L3MBTL3: variants seen among roughly 807,000 people sequenced by gnomAD.
The protein encoded by L3MBTL3 is lethal(3)malignant brain tumor-like protein 3.
L3MBTL3 carries 27 observed loss-of-function variants against 102.3 expected under a neutral mutation model. That is an observed-to-expected ratio of 0.26 (90% confidence interval 0.19 to 0.36). L3MBTL3 has a LOEUF of 0.36. Ranked by LOEUF, L3MBTL3 falls within the 10% of genes least tolerant of loss-of-function variation. The pLI, the probability that L3MBTL3 is intolerant of heterozygous loss-of-function variation, is 1.00. For synonymous variants in L3MBTL3, 340 were observed against 320.9 expected (o/e 1.06, Z -0.64); for missense variants, 798 against 955.3 (o/e 0.84, Z 2.17).
rs764657481 is a variant in L3MBTL3, at chr6:130,057,466, C to T, written c.728C>T (p.Ala243Val). The T allele has an allele frequency of 2.0e-5, 32 of 1,610,652 alleles. No homozygotes were observed. The Admixed American group carries it at 2.2e-4, about 11-fold the overall frequency. ...GCATCCTACCTGGAAGAGGAGAAAGCGGTGGCAGTGCCGGCGAAGCTGTTC... is the reference window on the plus strand; with the variant it reads ...GCATCCTACCTGGAAGAGGAGAAAGTGGTGGCAGTGCCGGCGAAGCTGTTC... ...CWASYLEEEK[A>V]VAVPAKLFKE... Residue 243 changes from alanine to valine, a missense_variant, in exon 9 of 23, where the codon GCG becomes GTG. Ala to Val is a moderately conservative substitution (Grantham distance 64). Around this residue, in one of 4 missense-constraint regions of L3MBTL3, gnomAD observed 434 missense variants for 506.6 expected, o/e 0.86. Transcript: ENST00000361794.
intron 20 of L3MBTL3, among the ~76,000 whole-genome samples, chr6:130,129,025 T>TC (rs1786826184): frequency 1.3e-5 from 2 of 152,136 alleles, no homozygotes; most frequent in African/African-American, 2.4e-5. Context: ...TAACAGTACA[T>TC]TCCTTATACC....
intron 19 of L3MBTL3, among the ~76,000 whole-genome samples, chr6:130,105,091 T>C (rs1474250598): frequency 6.6e-6 from 1 of 152,220 alleles, no homozygotes; most frequent in Non-Finnish European, 1.5e-5. Flanking sequence ...CAGTGGTTTA[T>C]TAAGTGAAGA....
intron 16 of L3MBTL3, among the ~76,000 whole-genome samples, chr6:130,087,952 CT>C (rs1783794511): frequency 1.3e-5 from 2 of 151,502 alleles, no homozygotes; most frequent in South Asian, 2.1e-4. Context: ...AGGTTTTTTA[CT>C]TGTTTAGTTT....
intron 7 of L3MBTL3, among the ~76,000 whole-genome samples, chr6:130,054,824 A>G (rs1781354772): frequency 6.6e-6 from 1 of 152,186 alleles, no homozygotes; most frequent in East Asian, 1.9e-4. Flanking sequence ...TAGAGAAGGG[A>G]ACTGGATTGG....
chr6:130,090,900 C>A (rs1784000727), intron 16 of L3MBTL3, among the ~76,000 whole-genome samples: 1 of 151,902 alleles, frequency 6.6e-6, no homozygotes, highest in African/African-American at 2.4e-5. Context: ...AATTTATTGT[C>A]TTTTCATATA....
intron 12 of L3MBTL3, 125 bp from the exon 13 acceptor site, chr6:130,070,851 G>T (rs907549963): frequency 4.7e-5 from 10 of 212,774 alleles, no homozygotes; most frequent in East Asian, 1.4e-4. Flanking sequence ...ACTGGCATAT[G>T]ATTTTTAAAT....
intron 13 of L3MBTL3, 123 bp from the exon 14 acceptor site, chr6:130,078,435 A>G (rs1272433535): frequency 6.6e-6 from 4 of 604,044 alleles, no homozygotes; most frequent in African/African-American, 5.7e-5. Context: ...TTTCCAAATT[A>G]GATTGATTGT....
At chr6:130,138,920 A>G (rs575467764) in intron 22 of L3MBTL3, among the ~76,000 whole-genome samples, 4 of 152,230 alleles carry the variant, frequency 2.6e-5, no homozygotes, top group South Asian at 4.1e-4. Context: ...ATAGTAGCCT[A>G]TTTTTCAGAA....
chr6:130,035,454 G>T (rs1779999127), intron 2 of L3MBTL3, among the ~76,000 whole-genome samples: 3 of 152,196 alleles, frequency 2.0e-5, no homozygotes, highest in Non-Finnish European at 1.5e-5. Context: ...TAATTCTGAG[G>T]AAAGTGTCGT....
intron 7 of L3MBTL3, 167 bp from the exon 8 acceptor site, chr6:130,055,004 C>A: frequency 1.7e-6 from 1 of 596,852 alleles, no homozygotes; most frequent in Non-Finnish European, 3.0e-6. Context: ...TAACCTCAGG[C>A]CAAAAGCAAC....
intron 19 of L3MBTL3, among the ~76,000 whole-genome samples, chr6:130,106,784 G>A (rs62432046): frequency 6.6e-6 from 1 of 151,978 alleles, no homozygotes; most frequent in Non-Finnish European, 1.5e-5. Context: ...CCTTCCTGTT[G>A]GTCTCTTATA....
At chr6:130,130,589 A>G (rs544917394) in intron 20 of L3MBTL3, among the ~76,000 whole-genome samples, 1 of 152,324 alleles carries the variant, frequency 6.6e-6, no homozygotes, top group Non-Finnish European at 1.5e-5. Flanking sequence ...AATTCCTTAA[A>G]TCTGGGCAAT....
chr6:130,104,014 C>T (rs1409820056), intron 18 of L3MBTL3, among the ~76,000 whole-genome samples: 1 of 152,214 alleles, frequency 6.6e-6, no homozygotes. Context: ...TGTGACTGCC[C>T]TGGTCCTGGA....
chr6:130,048,010 C>T (rs1780832758), intron 3 of L3MBTL3, among the ~76,000 whole-genome samples: 1 of 152,154 alleles, frequency 6.6e-6, no homozygotes, highest in South Asian at 2.1e-4. Context: ...TTAACCATTT[C>T]CACACGTTTA....
chr6:130,083,098 A>C (rs1783467874), intron 14 of L3MBTL3, among the ~76,000 whole-genome samples: 1 of 152,180 alleles, frequency 6.6e-6, no homozygotes, highest in Non-Finnish European at 1.5e-5. Flanking sequence ...TTCTATTAAT[A>C]ATGTTACATC....
chr6:130,035,104 T>C (rs974913145), intron 2 of L3MBTL3, among the ~76,000 whole-genome samples: 2 of 152,200 alleles, frequency 1.3e-5, no homozygotes, highest in Admixed American at 6.5e-5. Flanking sequence ...TTTTGTAATA[T>C]ACACTTTTAA....
At chr6:130,022,154 A>T (rs1369107132) in intron 1 of L3MBTL3, 73 bp from the exon 2 acceptor site, 1 of 152,134 alleles carries the variant, frequency 6.6e-6, no homozygotes, top group African/African-American at 2.4e-5. Context: ...TTAACTGGGG[A>T]TGGTGGATTT....
intron 5 of L3MBTL3, 48 bp from the exon 6 acceptor site, chr6:130,051,201 T>C: frequency 6.7e-7 from 1 of 1,483,736 alleles, no homozygotes; most frequent in Non-Finnish European, 9.2e-7. Flanking sequence ...TATTTTAGAA[T>C]GTCTTCTGTC....
chr6:130,054,986 T>C, intron 7 of L3MBTL3, 185 bp from the exon 8 acceptor site: 3 of 558,556 alleles, frequency 5.4e-6, no homozygotes, highest in South Asian at 2.0e-5. Context: ...TACAGTCTTA[T>C]TTTGTAATAA....
Sources: allele counts gnomAD v4.1 joint callset (sites outside exome capture counted in the v4.1 genomes callset), GRCh38; gene constraint gnomAD v4.1.1; regional missense constraint gnomAD v4.1.1; transcripts MANE v1.5; gene names NCBI Gene and HGNC (gene_info 2026-07-23, HGNC 2026-07-21).